The following SIPA1L1 variants were observed in gnomAD, a reference collection of about 807,000 sequenced individuals.
SIPA1L1 encodes signal-induced proliferation-associated 1-like protein 1.
SIPA1L1 carries 26 observed loss-of-function variants against 162.7 expected under a neutral mutation model. That is an observed-to-expected ratio of 0.16 (90% CI 0.12 to 0.22). The LOEUF (loss-of-function observed/expected upper bound fraction) is 0.22, where lower values mean the gene tolerates loss of function less well. Among genes scored for constraint, SIPA1L1 ranks in the 10% least tolerant of loss-of-function variants. SIPA1L1 has a pLI of 1.00. For missense variants in SIPA1L1, 1,874 were observed against 2,241.0 expected, an observed-to-expected ratio of 0.84 and a Z score of 3.31; for synonymous variants, 829 against 837.4, an observed-to-expected ratio of 0.99 and a Z score of 0.17.
At chr14:71,451,067 A>G (rs985728412) in intron 2 of SIPA1L1, among the ~76,000 whole-genome samples, 2 of 152,234 alleles carry the variant, frequency 1.3e-5, no homozygotes, top group African/African-American at 4.8e-5. Flanking sequence ...AATACTGTAT[A>G]GCCGTAAAAA....
intron 4 of SIPA1L1, among the ~76,000 whole-genome samples, chr14:71,543,919 TATC>T (rs1258244625): frequency 2.5e-4 from 37 of 149,586 alleles, no homozygotes; most frequent in African/African-American, 8.8e-4. Flanking sequence ...TATATACATA[TATC>T]ATACGTATAT....
At chr14:71,353,491 C>T (rs919639681) in intron 2 of SIPA1L1, among the ~76,000 whole-genome samples, 7 of 152,162 alleles carry the variant, frequency 4.6e-5, no homozygotes, top group Admixed American at 1.3e-4. Context: ...GAAGAATTTC[C>T]TCTCACTGAG....
intron 17 of SIPA1L1, 79 bp from the exon 18 acceptor site, chr14:71,723,568 C>T: frequency 6.5e-7 from 1 of 1,529,814 alleles, no homozygotes; most frequent in East Asian, 2.3e-5. Flanking sequence ...ACCCAGCCAT[C>T]ACCCGTACCC....
intron 10 of SIPA1L1, among the ~76,000 whole-genome samples, chr14:71,666,820 C>T (rs1270810590): frequency 7.0e-6 from 1 of 142,650 alleles, no homozygotes; most frequent in Non-Finnish European, 1.5e-5. Flanking sequence ...AGGGAGGAAG[C>T]GTGATGCATG....
At chr14:71,712,543 G>A (rs960541474) in intron 17 of SIPA1L1, among the ~76,000 whole-genome samples, 4 of 151,858 alleles carry the variant, frequency 2.6e-5, no homozygotes, top group Non-Finnish European at 4.4e-5. Context: ...AAAAAGATTA[G>A]TGGTAAGCCT....
intron 15 of SIPA1L1, chr14:71,704,940 A>G (rs897593946): frequency 1.5e-6 from 1 of 649,324 alleles, no homozygotes; most frequent in African/African-American, 1.8e-5. Context: ...CCAAAAGTTG[A>G]TTCTGAACTT....
At chr14:71,581,716 G>A (rs539659904) in intron 4 of SIPA1L1, among the ~76,000 whole-genome samples, 59 of 152,114 alleles carry the variant, frequency 3.9e-4, no homozygotes, top group African/African-American at 1.3e-3. Context: ...GGTCTCATCT[G>A]GTCTCTTGCT....
intron 2 of SIPA1L1, chr14:71,379,377 C>T (rs1312341668): frequency 2.0e-5 from 3 of 151,712 alleles, no homozygotes; most frequent in Admixed American, 6.6e-5. Context: ...GATCATTGCT[C>T]ACTGCAGCTT....
At chr14:71,678,928 G>A (rs1182536308) in intron 12 of SIPA1L1, among the ~76,000 whole-genome samples, 1 of 151,972 alleles carries the variant, frequency 6.6e-6, no homozygotes, top group Non-Finnish European at 1.5e-5. Context: ...AAGAAATATG[G>A]GACTATGTGA....
intron 2 of SIPA1L1, among the ~76,000 whole-genome samples, chr14:71,430,857 G>A (rs532647520): frequency 1.3e-5 from 2 of 152,192 alleles, no homozygotes; most frequent in South Asian, 4.2e-4. Context: ...TTTCCTCAGG[G>A]AGGCTTTTCT....
chr14:71,478,492 C>A (rs959779096), intron 2 of SIPA1L1, among the ~76,000 whole-genome samples: 1 of 152,066 alleles, frequency 6.6e-6, no homozygotes, highest in Non-Finnish European at 1.5e-5. Flanking sequence ...TATAGTTTTA[C>A]ATTTAGATAT....
intron 2 of SIPA1L1, among the ~76,000 whole-genome samples, chr14:71,424,348 C>G (rs538602925): frequency 6.6e-6 from 1 of 151,942 alleles, no homozygotes; most frequent in African/African-American, 2.4e-5. Context: ...TTGCCTTGTT[C>G]GTGATGTTAG....
At chr14:71,513,239 T>C (rs927268568) in intron 3 of SIPA1L1, among the ~76,000 whole-genome samples, 8 of 152,098 alleles carry the variant, frequency 5.3e-5, no homozygotes, top group African/African-American at 1.9e-4. Flanking sequence ...AATTGAACTG[T>C]AAGACATCTG....
intron 5 of SIPA1L1, among the ~76,000 whole-genome samples, chr14:71,594,483 T>G (rs2147813322): frequency 6.6e-6 from 1 of 152,348 alleles, no homozygotes; most frequent in African/African-American, 2.4e-5. Flanking sequence ...TTGAGAAAAG[T>G]ACCATAGAAT....
chr14:71,475,289 C>G (rs1481783601), intron 2 of SIPA1L1, among the ~76,000 whole-genome samples: 1 of 152,204 alleles, frequency 6.6e-6, no homozygotes, highest in Admixed American at 6.5e-5. Context: ...ATACTGTTCT[C>G]CAGCAAGCTA....
At chr14:71,477,512 TTAA>T (rs1041871432) in intron 2 of SIPA1L1, among the ~76,000 whole-genome samples, 1 of 152,196 alleles carries the variant, frequency 6.6e-6, no homozygotes, top group Non-Finnish European at 1.5e-5. Flanking sequence ...AATCAATTAA[TTAA>T]TTATTTTAAC....
intron 4 of SIPA1L1, among the ~76,000 whole-genome samples, chr14:71,552,676 C>T (rs565691510): frequency 1.9e-4 from 29 of 152,176 alleles, no homozygotes; most frequent in Non-Finnish European, 3.5e-4. Flanking sequence ...GATCCTGTTT[C>T]TTTTAAGCTG....
intron 4 of SIPA1L1, among the ~76,000 whole-genome samples, chr14:71,566,987 C>A (rs1567217065): frequency 2.0e-5 from 3 of 151,990 alleles, no homozygotes; most frequent in African/African-American, 4.8e-5. Flanking sequence ...AAGAAAAAGA[C>A]CTATTAGAAA....
intron 2 of SIPA1L1, among the ~76,000 whole-genome samples, chr14:71,323,861 G>A (rs2033462649): frequency 6.6e-6 from 1 of 152,144 alleles, no homozygotes; most frequent in Non-Finnish European, 1.5e-5. Flanking sequence ...GGGACCATTT[G>A]TAGTAATATT....
Sources: gnomAD v4.1 joint callset for allele counts (sites outside exome capture counted in the v4.1 genomes callset) on GRCh38, gnomAD v4.1.1 for gene constraint, MANE v1.5 for transcripts, NCBI Gene and HGNC (gene_info 2026-07-23, HGNC 2026-07-21) for gene names.